CERKL: variants seen among roughly 807,000 people sequenced by gnomAD.
CERKL encodes ceramide kinase-like protein.
A neutral mutation model predicts 63.4 loss-of-function variants in CERKL; 61 were observed. The ratio of observed to expected loss-of-function variants is 0.96; its 90% CI spans 0.78 to 1.19. The LOEUF is 1.19. Ranked by LOEUF, CERKL falls within the 50% of genes most tolerant of loss-of-function variation. CERKL has a pLI of 0.00. For missense variants in CERKL, 675 were observed against 655.5 expected (o/e 1.03, Z -0.33); for synonymous variants, 250 against 230.5 (o/e 1.08, Z -0.77).
At chr2:181,560,307 A>G (rs1688383164) in intron 4 of CERKL, among the ~76,000 whole-genome samples, 1 of 152,172 alleles carries the variant, frequency 6.6e-6, no homozygotes. Flanking sequence ...CTTGACCCTT[A>G]CATACATAGG....
At chr2:181,619,070 C>T (rs971991792) in intron 1 of CERKL, among the ~76,000 whole-genome samples, 3 of 150,716 alleles carry the variant, frequency 2.0e-5, no homozygotes, top group African/African-American at 7.4e-5. Context: ...TATTCTATAC[C>T]CCAAGTTCAT....
At position 181,541,001 on chromosome 2, in the gene CERKL, G is replaced by A. The variant is rs1164410796; in HGVS notation, c.1366-1737C>T. On this transcript the variant is annotated intron_variant, in intron 11 of 12. Coordinates refer to ENST00000410087, the MANE Select transcript of CERKL (RefSeq NM_201548.5). ...AAAACTAGAGGCAAACCATGGTCAA[G>A]CAACTACACAGAATTCAGTGTGACT... Among the ~76,000 whole-genome samples, 4 of 152,178 alleles carry A rather than the reference G, an allele frequency of 2.6e-5. No homozygotes were observed. In the East Asian group the frequency reaches 5.8e-4, roughly 22 times the overall value.
At chr2:181,578,879 G>A (rs1488807365) in intron 2 of CERKL, among the ~76,000 whole-genome samples, 1 of 151,938 alleles carries the variant, frequency 6.6e-6, no homozygotes, top group African/African-American at 2.4e-5. Context: ...ACAATGCAAT[G>A]AATGCTATTC....
intron 4 of CERKL, among the ~76,000 whole-genome samples, chr2:181,561,594 T>C (rs1331089116): frequency 6.6e-6 from 1 of 152,096 alleles, no homozygotes; most frequent in African/African-American, 2.4e-5. Context: ...AAAGCTATCA[T>C]TTGCAGGAGA....
chr2:181,656,189 G>C (rs1349240164), intron 1 of CERKL, among the ~76,000 whole-genome samples: 10 of 152,072 alleles, frequency 6.6e-5, no homozygotes, highest in Non-Finnish European at 1.5e-4. Context: ...AAAGTTTCTA[G>C]ACCGAGCCTG....
intron 1 of CERKL, among the ~76,000 whole-genome samples, chr2:181,638,282 T>A (rs541714830): frequency 4.1e-4 from 62 of 152,234 alleles, no homozygotes; most frequent in African/African-American, 1.4e-3. Context: ...AATACCACTA[T>A]CCAGTAAAAG....
intron 1 of CERKL, among the ~76,000 whole-genome samples, chr2:181,630,614 T>C (rs1193222146): frequency 1.3e-5 from 2 of 152,148 alleles, no homozygotes; most frequent in Non-Finnish European, 2.9e-5. Context: ...GAGGATGCTG[T>C]ATGAAGGTGG....
At chr2:181,598,872 G>GA (rs550852358) in intron 2 of CERKL, among the ~76,000 whole-genome samples, 98 of 118,774 alleles carry the variant, frequency 8.3e-4, no homozygotes, top group Non-Finnish European at 9.5e-4. Flanking sequence ...CCCTCAAGGG[G>GA]AAAAAAAAAA....
Position 181,539,127 on chromosome 2 carries a change from A to C in CERKL, c.1503T>G (p.Gly501=). Residue 501 remains glycine, a synonymous_variant, in exon 12 of 13, where the codon GGT becomes GGG. Coordinates refer to ENST00000410087, the MANE Select transcript of CERKL (RefSeq NM_201548.5). ...CCTCTGATGCAACTTCCATTAAGTC[A>C]CCATCTACATTCCAAGGGAAACAAT... ...SENCFPWNVD[G]DLMEVASEVH... is the part of the protein sequence containing the mutation. 1 of 1,608,144 alleles carries C rather than the reference A, an allele frequency of 6.2e-7. No individual in the cohort carries two copies. The highest frequency in any genetic ancestry group is 8.5e-7 in the Non-Finnish European group (1 of 1,174,728).
intron 3 of CERKL, among the ~76,000 whole-genome samples, chr2:181,570,759 T>C (rs1688867923): frequency 6.6e-6 from 1 of 152,150 alleles, no homozygotes; most frequent in South Asian, 2.1e-4. Flanking sequence ...AAAATAAATT[T>C]ATGAAAAAAT....
rs1559062146 is a variant in CERKL, at chr2:181,536,818, A to ATATCATTT, written c.*1358_*1365dup. 1 of 329,050 alleles carries ATATCATTT rather than the reference A, an allele frequency of 3.0e-6. No homozygotes were observed. The highest frequency in any genetic ancestry group is 2.6e-5 in the South Asian group (1 of 39,172). 20.4% of individuals were successfully genotyped at this position (329,050 alleles called of 1,614,324 possible). Reference sequence around the variant, plus strand: ...TGCTTATGATCTAGATAATTGCAGAATATCATTTTATCTGACTCTGCCTTC... The same window carrying ATATCATTT: ...TGCTTATGATCTAGATAATTGCAGAATATCATTTTATCATTTTATCTGACTCTGCCTTC... On this transcript the variant is annotated 3_prime_UTR_variant, in exon 13 of 13. Transcript: ENST00000410087.
In CERKL at chr2:181,539,199, A is replaced by G; in HGVS notation, c.1431T>C (p.Thr477=). The change falls in exon 12 of 13, where the codon ACT becomes ACC. Residue 477 remains threonine (T), a synonymous_variant. Coordinates refer to ENST00000410087, the MANE Select transcript of CERKL (RefSeq NM_201548.5). The part of the protein sequence containing the change: ...EEVKVHPRNN[T]GGYNPEEEED... The stretch of plus-strand genomic sequence containing the variant: ...CCTCCTCCTCTGGATTATATCCACC[A>G]GTATTATTCCTTGGATGAACTTTTA... 1 of 1,605,206 alleles carries G rather than the reference A, an allele frequency of 6.2e-7. No homozygotes were observed. Among genetic ancestry groups the G allele is most frequent in the African/African-American group, 1.3e-5 (1 of 74,824 alleles).
At chr2:181,566,146 C>T (rs769661974) in intron 3 of CERKL, 25 bp from the exon 4 acceptor site, 1 of 1,563,170 alleles carries the variant, frequency 6.4e-7, no homozygotes, top group Non-Finnish European at 8.8e-7. Context: ...CACACACATA[C>T]ACAAAGTGAC....
chr2:181,553,087 G>A (rs528235796), intron 5 of CERKL, among the ~76,000 whole-genome samples: 1 of 152,244 alleles, frequency 6.6e-6, no homozygotes, highest in East Asian at 1.9e-4. Context: ...AATGTGTTTG[G>A]AGGAGGGAGG....
At chr2:181,576,130 A>G (rs528106084) in intron 2 of CERKL, among the ~76,000 whole-genome samples, 1 of 152,344 alleles carries the variant, frequency 6.6e-6, no homozygotes, top group Admixed American at 6.5e-5. Flanking sequence ...CTGACACTAA[A>G]CAAACAAAAG....
In CERKL at chr2:181,548,715, T is replaced by C; in HGVS notation, c.1038A>G (p.Arg346=). 1.2e-6 allele frequency: 2 copies of C among 1,614,040 alleles called. No individual in the cohort carries two copies. Among genetic ancestry groups the C allele is most frequent in the East Asian group, 2.2e-5 (1 of 44,858 alleles). ...CCAGTGCCTTAACAACAGCAAAATCTCTCCGTTGGTTAGGGGACATCCATC... is the reference window on the plus strand; with the variant it reads ...CCAGTGCCTTAACAACAGCAAAATCCCTCCGTTGGTTAGGGGACATCCATC... ...KYRWMSPNQR[R]DFAVVKALAK... is the part of the protein sequence containing the mutation. Residue 346 remains arginine (R), a synonymous_variant, in exon 7 of 13, where the codon AGA becomes AGG. Coordinates refer to ENST00000410087, the MANE Select transcript of CERKL (RefSeq NM_201548.5).
Position 181,538,260 on chromosome 2 carries a change from A to ATTAT in CERKL, c.1539-20_1539-17dup. The ATTAT allele has an allele frequency of 1.3e-6, 2 of 1,498,584 alleles. No individual in the cohort carries two copies. The highest frequency in any genetic ancestry group is 1.9e-6 in the Non-Finnish European group (2 of 1,076,488). The allele number at this position is 1,498,584 out of a possible 1,614,324, so 92.8% of individuals were successfully genotyped here. On this transcript the variant is annotated splice_polypyrimidine_tract_variant and intron_variant, in intron 12 of 12. Coordinates refer to ENST00000410087, the MANE Select transcript of CERKL (RefSeq NM_201548.5). Reference sequence around the variant, plus strand: ...TGGATGCAATCTGTAAAGAAAATACATTATTTCATCAACTTATTTTGTTGT... The same window carrying ATTAT: ...TGGATGCAATCTGTAAAGAAAATACATTATTTATTTCATCAACTTATTTTGTTGT...
At chr2:181,639,791 G>A (rs1687342027) in intron 1 of CERKL, among the ~76,000 whole-genome samples, 1 of 152,144 alleles carries the variant, frequency 6.6e-6, no homozygotes, top group African/African-American at 2.4e-5. Context: ...CTGGGCCCTA[G>A]GGATAAAAAT....
In CERKL at chr2:181,558,225, G is replaced by A. The variant is rs1688291064; in HGVS notation, c.820+341C>T. On this transcript the variant is annotated intron_variant, in intron 5 of 12. Coordinates refer to ENST00000410087, the MANE Select transcript of CERKL (RefSeq NM_201548.5). This position sits in a 1 kb window ranked among gnomAD's most constrained non-coding sequence, Gnocchi z 4.2. ...TTTGAAACTTCTTACCTGGTACTGT[G>A]TAATCAACAGATTTTTTATGCGAAG... Among the ~76,000 whole-genome samples the A allele has an allele frequency of 6.6e-6, 1 of 152,102 alleles. No individual in the cohort carries two copies. Among genetic ancestry groups the A allele is most frequent in the South Asian group, 2.1e-4 (1 of 4,828 alleles).
Sources: allele counts gnomAD v4.1 joint callset (sites outside exome capture counted in the v4.1 genomes callset), GRCh38; gene constraint gnomAD v4.1.1; non-coding constraint Gnocchi (gnomAD v3.1); transcripts MANE v1.5; gene names NCBI Gene and HGNC (gene_info 2026-07-23, HGNC 2026-07-21).